Variants in KIRREL3 observed in about 807,000 individuals in gnomAD.
The protein encoded by KIRREL3 is kin of IRRE-like protein 3.
KIRREL3 carries 36 observed loss-of-function variants against 89.7 expected under a neutral mutation model. The observed-to-expected ratio is 0.40, with a 90% CI of 0.31 to 0.53. The LOEUF (loss-of-function observed/expected upper bound fraction) is 0.53, where lower values mean the gene tolerates loss of function less well. KIRREL3 is among the 20% of genes least tolerant of loss of function. KIRREL3 has a pLI of 0.49. For missense variants in KIRREL3, 864 were observed against 1,056.6 expected, an observed-to-expected ratio of 0.82 and a Z score of 2.53; for synonymous variants, 445 against 441.4, an observed-to-expected ratio of 1.01 and a Z score of -0.10.
chr11:126,437,343 C>T (rs532582908), intron 11 of KIRREL3, among the ~76,000 whole-genome samples: 6 of 152,260 alleles, frequency 3.9e-5, no homozygotes, highest in Non-Finnish European at 7.4e-5. Context: ...ATACATACTA[C>T]ACACACCACA....
chr11:126,722,954 T>C (rs760882500), intron 1 of KIRREL3, among the ~76,000 whole-genome samples: 4 of 152,208 alleles, frequency 2.6e-5, no homozygotes, highest in African/African-American at 4.8e-5. Context: ...TCTTACTAGA[T>C]GGTAAGCTTC....
At chr11:126,626,867 G>C (rs978430190) in intron 1 of KIRREL3, among the ~76,000 whole-genome samples, 1 of 152,142 alleles carries the variant, frequency 6.6e-6, no homozygotes, top group Non-Finnish European at 1.5e-5. Context: ...AATTAGCCAG[G>C]CGTGGTGGCG....
Position 126,817,540 on chromosome 11 carries a change from G to C in KIRREL3, c.55+182915C>G, listed in dbSNP as rs1351262273. 6.6e-6 allele frequency among the ~76,000 whole-genome samples: 1 copy of C among 152,140 alleles called. No individual in the cohort carries two copies. Among genetic ancestry groups the C allele is most frequent in the Admixed American group, 6.5e-5 (1 of 15,280 alleles). On this transcript the variant is annotated intron_variant, in intron 1 of 16. Transcript: ENST00000525144. This position sits in a 1 kb window ranked among gnomAD's most constrained non-coding sequence, Gnocchi z 5.7. Reference sequence around the variant, plus strand: ...ATCCCCAGTCCTCTGGTGTCCTATGGTTGGAACCCCTGCTCGGTACTCCCT... The same window carrying C: ...ATCCCCAGTCCTCTGGTGTCCTATGCTTGGAACCCCTGCTCGGTACTCCCT...
chr11:126,698,103 G>A (rs1352770935), intron 1 of KIRREL3, among the ~76,000 whole-genome samples: 1 of 152,206 alleles, frequency 6.6e-6, no homozygotes, highest in Non-Finnish European at 1.5e-5. Context: ...AGATGGGAGG[G>A]AAAAGTGTAA....
At chr11:126,597,458 A>G (rs1942452789) in intron 1 of KIRREL3, among the ~76,000 whole-genome samples, 1 of 152,266 alleles carries the variant, frequency 6.6e-6, no homozygotes. Flanking sequence ...ATATGAAAAG[A>G]CATTCAAAGT....
In KIRREL3 at chr11:126,516,484, C is replaced by T. The variant is rs560571150; in HGVS notation, c.433+4831G>A. ...GTTTAATCCGTGCATCACTTATCGACCGCCTTCTCTCTGCCAGAATGCAAG... is the reference window on the plus strand; with the variant it reads ...GTTTAATCCGTGCATCACTTATCGATCGCCTTCTCTCTGCCAGAATGCAAG... On this transcript the variant is annotated intron_variant, in intron 4 of 16. Transcript: ENST00000525144. The surrounding 1 kb of genome is among the most constrained non-coding windows in gnomAD (Gnocchi z 4.9). Among the ~76,000 whole-genome samples, 2 of 152,314 alleles carry T rather than the reference C, an allele frequency of 1.3e-5. No homozygotes were observed. Among genetic ancestry groups the T allele is most frequent in the South Asian group, 2.1e-4 (1 of 4,820 alleles).
intron 4 of KIRREL3, among the ~76,000 whole-genome samples, chr11:126,510,026 G>GA (rs1243459581): frequency 3.6e-5 from 4 of 112,140 alleles, no homozygotes; most frequent in Non-Finnish European, 7.6e-5. Context: ...AAAGAAAAAA[G>GA]AAAAAAAGAA....
rs1946671372 is a variant in KIRREL3, at chr11:126,908,375, T to C, written c.55+92080A>G. ...CAAAGCAAGGACTCCGAAGCAGGAC[T>C]GCTTGTGTTCAAAACTGGCCTCCAT... On this transcript the variant is annotated intron_variant, in intron 1 of 16. Coordinates refer to ENST00000525144, the MANE Select transcript of KIRREL3 (RefSeq NM_032531.4). This position sits in a 1 kb window ranked among gnomAD's most constrained non-coding sequence, Gnocchi z 4.2. Among the ~76,000 whole-genome samples the C allele has an allele frequency of 6.6e-6, 1 of 152,234 alleles. No individual in the cohort carries two copies. The highest frequency in any genetic ancestry group is 1.5e-5 in the Non-Finnish European group (1 of 68,040).
chr11:126,490,330 G>A lies in KIRREL3; in HGVS notation c.434-16864C>T, dbSNP rs911206897. ...ATTCACTGGACACAGCCGCTAGGGA[G>A]AGGTGAGCAGAGCTTTCTCCCCATG... On this transcript the variant is annotated intron_variant, in intron 4 of 16. Coordinates refer to ENST00000525144, the MANE Select transcript of KIRREL3 (RefSeq NM_032531.4). The surrounding 1 kb of genome is among the most constrained non-coding windows in gnomAD (Gnocchi z 4.2). 6.6e-6 allele frequency among the ~76,000 whole-genome samples: 1 copy of A among 152,196 alleles called. No individual in the cohort carries two copies. Among genetic ancestry groups the A allele is most frequent in the Admixed American group, 6.5e-5 (1 of 15,284 alleles).
Position 126,449,162 on chromosome 11 carries a change from A to C in KIRREL3, c.849-5T>G. The C allele has an allele frequency of 6.2e-7, 1 of 1,613,702 alleles. No homozygotes were observed. The highest frequency in any genetic ancestry group is 8.5e-7 in the Non-Finnish European group (1 of 1,179,700). ...ATCTGGCCCCGCTTGGCCCACCTGCAACAAAGGCCAGGGGCTGATGTGGGC... is the reference window on the plus strand; with the variant it reads ...ATCTGGCCCCGCTTGGCCCACCTGCCACAAAGGCCAGGGGCTGATGTGGGC... On this transcript the variant is annotated splice_polypyrimidine_tract_variant and splice_region_variant and intron_variant, in intron 7 of 16. Coordinates refer to ENST00000525144, the MANE Select transcript of KIRREL3 (RefSeq NM_032531.4).
Position 126,544,941 on chromosome 11 carries a change from G to A in KIRREL3, c.133+17894C>T, listed in dbSNP as rs143758656. On this transcript the variant is annotated intron_variant, in intron 2 of 16. Coordinates refer to ENST00000525144, the MANE Select transcript of KIRREL3 (RefSeq NM_032531.4). This position sits in a 1 kb window ranked among gnomAD's most constrained non-coding sequence, Gnocchi z 5.6. Reference sequence around the variant, plus strand: ...AAGACACAATAATGAAAAACTCAACGTGCAACATTGCCTTACGCAATCTAA... The same window carrying A: ...AAGACACAATAATGAAAAACTCAACATGCAACATTGCCTTACGCAATCTAA... 1.3e-5 allele frequency among the ~76,000 whole-genome samples: 2 copies of A among 152,154 alleles called. No individual in the cohort carries two copies. Among genetic ancestry groups the A allele is most frequent in the Middle Eastern group, 3.4e-3 (1 of 294 alleles).
Position 126,565,166 on chromosome 11 carries a change from C to T in KIRREL3, c.56-2254G>A, listed in dbSNP as rs566909793. On this transcript the variant is annotated intron_variant, in intron 1 of 16. Coordinates refer to ENST00000525144, the MANE Select transcript of KIRREL3 (RefSeq NM_032531.4). The surrounding 1 kb of genome is among the most constrained non-coding windows in gnomAD (Gnocchi z 5.4). ...GCTGGTCTTCTGGACTGTGACTGAACGCTCAGGCAAATGGAAGGGCGAACA... is the reference window on the plus strand; with the variant it reads ...GCTGGTCTTCTGGACTGTGACTGAATGCTCAGGCAAATGGAAGGGCGAACA... 4.6e-5 allele frequency among the ~76,000 whole-genome samples: 7 copies of T among 152,066 alleles called. No homozygotes were observed. Among genetic ancestry groups the T allele is most frequent in the African/African-American group, 9.7e-5 (4 of 41,396 alleles).
intron 6 of KIRREL3, among the ~76,000 whole-genome samples, chr11:126,457,883 G>T (rs11220501): frequency 6.6e-6 from 1 of 152,042 alleles, no homozygotes; most frequent in African/African-American, 2.4e-5. Context: ...ACAGCTCGAG[G>T]GGGCTGCAGC....
At position 126,473,476 on chromosome 11, in the gene KIRREL3, G is replaced by T. The variant is rs763769839; in HGVS notation, c.434-10C>A. ...GGGTCATCAGGCGGCACTGCGGGGA[G>T]AGAAGCAGTGAGGTCAGGCCGAGGC... On this transcript the variant is annotated splice_polypyrimidine_tract_variant and intron_variant, in intron 4 of 16. Transcript: ENST00000525144. 1.3e-6 allele frequency: 2 copies of T among 1,537,652 alleles called. No homozygotes were observed. Among genetic ancestry groups the T allele is most frequent in the Non-Finnish European group, 1.8e-6 (2 of 1,128,162 alleles).
chr11:126,944,719 C>T (rs889192238), intron 1 of KIRREL3, among the ~76,000 whole-genome samples: 1 of 152,206 alleles, frequency 6.6e-6, no homozygotes, highest in Non-Finnish European at 1.5e-5. Flanking sequence ...GGGAGAGTGA[C>T]ACCAGCCTTC....
At chr11:126,949,468 A>G (rs546513836) in intron 1 of KIRREL3, among the ~76,000 whole-genome samples, 1 of 152,328 alleles carries the variant, frequency 6.6e-6, no homozygotes, top group South Asian at 2.1e-4. Context: ...ATGCTCATGC[A>G]CATGCCCCTC....
At chr11:126,674,103 A>T (rs1426221811) in intron 1 of KIRREL3, among the ~76,000 whole-genome samples, 1 of 152,246 alleles carries the variant, frequency 6.6e-6, no homozygotes, top group African/African-American at 2.4e-5. Flanking sequence ...CAATGCTCCT[A>T]GAATCTCCGT....
rs1451195754 is a variant in KIRREL3, at chr11:126,918,690, C to T, written c.55+81765G>A. Among the ~76,000 whole-genome samples, 4 of 152,198 alleles carry T rather than the reference C, an allele frequency of 2.6e-5. No homozygotes were observed. Among genetic ancestry groups the T allele is most frequent in the African/African-American group, 7.2e-5 (3 of 41,462 alleles). On this transcript the variant is annotated intron_variant, in intron 1 of 16. Transcript: ENST00000525144. This position sits in a 1 kb window ranked among gnomAD's most constrained non-coding sequence, Gnocchi z 6.5. ...GCTATTCCATTCTTCATCTCTGTGA[C>T]ATGGCAGACATTACTAATCAAGGAT...
At chr11:126,506,845 G>A (rs2134383962) in intron 4 of KIRREL3, among the ~76,000 whole-genome samples, 1 of 150,998 alleles carries the variant, frequency 6.6e-6, no homozygotes, top group Admixed American at 6.6e-5. Context: ...AACTGGTCTT[G>A]AACTCCTGGC....
Sources: gnomAD v4.1 joint callset for allele counts (sites outside exome capture counted in the v4.1 genomes callset) on GRCh38, gnomAD v4.1.1 for gene constraint, Gnocchi (gnomAD v3.1) non-coding constraint, MANE v1.5 for transcripts, NCBI Gene and HGNC (gene_info 2026-07-23, HGNC 2026-07-21) for gene names.